The following ALDH18A1 variants were observed in gnomAD, a reference collection of about 807,000 sequenced individuals.
The protein encoded by ALDH18A1 is aldehyde dehydrogenase 18 family member A1.
In ALDH18A1, 44 loss-of-function variants were observed where a neutral mutation model predicts 88.8. The ratio of observed to expected loss-of-function variants is 0.50; its 90% CI spans 0.39 to 0.64. The LOEUF (loss-of-function observed/expected upper bound fraction) is 0.64, where lower values mean the gene tolerates loss of function less well. Among genes scored for constraint, ALDH18A1 ranks in the 30% least tolerant of loss-of-function variants. The pLI, the probability that ALDH18A1 is intolerant of heterozygous loss-of-function variation, is 0.00. For missense variants in ALDH18A1, 782 were observed against 1,009.5 expected, an observed-to-expected ratio of 0.77 and a Z score of 3.05; for synonymous variants, 331 against 372.1, an observed-to-expected ratio of 0.89 and a Z score of 1.27.
At chr10:95,623,187 G>C (rs1486080568) in intron 11 of ALDH18A1, among the ~76,000 whole-genome samples, 2 of 152,010 alleles carry the variant, frequency 1.3e-5, no homozygotes, top group South Asian at 2.1e-4. Context: ...TTTAATTATA[G>C]TATATGTTAA....
In ALDH18A1 at chr10:95,606,264, G is replaced by T; in HGVS notation, c.*498C>A. On this transcript the variant is annotated 3_prime_UTR_variant, in exon 18 of 18. Transcript: ENST00000371224. The stretch of plus-strand genomic sequence containing the variant: ...TCTTCCCAGTGGAAATGATTCCATC[G>T]ATTTTTGTGACTTTCTGATGAGAAT... 1 of 996,908 alleles carries T rather than the reference G, an allele frequency of 1.0e-6. No individual in the cohort carries two copies. Among genetic ancestry groups the T allele is most frequent in the South Asian group, 4.4e-5 (1 of 22,558 alleles). 61.8% of individuals were successfully genotyped at this position (996,908 alleles called of 1,614,324 possible).
chr10:95,652,460 A>G (rs2097911820), intron 2 of ALDH18A1, among the ~76,000 whole-genome samples: 1 of 152,272 alleles, frequency 6.6e-6, no homozygotes, highest in Non-Finnish European at 1.5e-5. Context: ...GGCCGGGCAC[A>G]GTGGCTAACG....
intron 11 of ALDH18A1, among the ~76,000 whole-genome samples, chr10:95,623,694 T>TC (rs2097856419): frequency 6.6e-6 from 1 of 152,106 alleles, no homozygotes; most frequent in African/African-American, 2.4e-5. Flanking sequence ...GCCTCCTGAG[T>TC]AGCTAGGATT....
chr10:95,616,693 C>G, intron 12 of ALDH18A1, 79 bp from the exon 13 acceptor site: 1 of 1,515,618 alleles, frequency 6.6e-7, no homozygotes, highest in Non-Finnish European at 9.0e-7. Context: ...CACAAGCACT[C>G]CTTCTGTGCT....
intron 2 of ALDH18A1, among the ~76,000 whole-genome samples, chr10:95,647,986 T>C (rs377668630): frequency 9.2e-5 from 14 of 152,324 alleles, no homozygotes; most frequent in Middle Eastern, 3.4e-3. Flanking sequence ...TGTAATAAAT[T>C]GGTAAATCTA....
In ALDH18A1 at chr10:95,628,195, C is replaced by G. The variant is rs12414904; in HGVS notation, c.933+173G>C. Among the ~76,000 whole-genome samples, 20,057 of 152,220 alleles carry G rather than the reference C, an allele frequency of 0.13. 1,935 individuals carry two copies. The highest frequency in any genetic ancestry group is 0.49 in the East Asian group (2,522 of 5,178). Reference sequence around the variant, plus strand: ...AGAAAACCCACATACACAGACATAACCAAATGTTGGAATGCAACACTCATT... The same window carrying G: ...AGAAAACCCACATACACAGACATAAGCAAATGTTGGAATGCAACACTCATT... On this transcript the variant is annotated intron_variant, in intron 8 of 17. Coordinates refer to ENST00000371224, the MANE Select transcript of ALDH18A1 (RefSeq NM_002860.4).
intron 11 of ALDH18A1, among the ~76,000 whole-genome samples, chr10:95,623,187 G>A (rs1486080568): frequency 6.6e-6 from 1 of 151,892 alleles, no homozygotes; most frequent in Non-Finnish European, 1.5e-5. Flanking sequence ...TTTAATTATA[G>A]TATATGTTAA....
At chr10:95,647,567 G>A (rs11188414) in intron 2 of ALDH18A1, among the ~76,000 whole-genome samples, 100,756 of 152,070 alleles carry the variant, frequency 0.66, 33,755 homozygotes, top group East Asian at 0.74. Context: ...AATCTCTCTG[G>A]TATTCTCCTG....
chr10:95,629,934 A>T (rs1279361853), intron 7 of ALDH18A1, among the ~76,000 whole-genome samples: 1 of 148,498 alleles, frequency 6.7e-6, no homozygotes, highest in Non-Finnish European at 1.5e-5. Context: ...AAAACCTTAC[A>T]TTTTTTTTTT....
At chr10:95,613,464 A>G (rs988013307) in intron 15 of ALDH18A1, among the ~76,000 whole-genome samples, 1 of 152,222 alleles carries the variant, frequency 6.6e-6, no homozygotes, top group South Asian at 2.1e-4. Context: ...GAAACAGTTC[A>G]GTCAGCATAG....
chr10:95,607,050 T>A, intron 17 of ALDH18A1, 107 bp from the exon 18 acceptor site: 4 of 1,120,824 alleles, frequency 3.6e-6, no homozygotes, highest in Non-Finnish European at 4.1e-6. Context: ...CCTCTCTTCC[T>A]GCTAACTCCT....
At chr10:95,625,554 G>C in intron 10 of ALDH18A1, 99 bp from the exon 11 acceptor site, 1 of 974,858 alleles carries the variant, frequency 1.0e-6, no homozygotes, top group Non-Finnish European at 1.6e-6. Context: ...GCCAGGCCTT[G>C]CTCCCACATC....
chr10:95,651,498 T>C (rs2097910421), intron 2 of ALDH18A1, among the ~76,000 whole-genome samples: 1 of 152,218 alleles, frequency 6.6e-6, no homozygotes, highest in Non-Finnish European at 1.5e-5. Context: ...GAGGTTTAAC[T>C]GGCTCATAGT....
In ALDH18A1 at chr10:95,643,190, T is replaced by C. The variant is rs2097895233; in HGVS notation, c.105A>G (p.Ser35=). 1 of 1,614,186 alleles carries C rather than the reference T, an allele frequency of 6.2e-7. No individual in the cohort carries two copies. The highest frequency in any genetic ancestry group is 8.5e-7 in the Non-Finnish European group (1 of 1,180,028). The part of the protein sequence containing the change: ...TVFRSHCIQP[S]VIRHVRSWSN... Reference sequence around the variant, plus strand: ...TCCAAGAACGAACATGTCTGATGACTGAAGGCTGGATACAATCTGTAGCCA... The same window carrying C: ...TCCAAGAACGAACATGTCTGATGACCGAAGGCTGGATACAATCTGTAGCCA... The change falls in exon 3 of 18, where the codon TCA becomes TCG. Residue 35 remains serine (S), a synonymous_variant. Transcript: ENST00000371224.
chr10:95,628,460 C>A lies in ALDH18A1; in HGVS notation c.841G>T (p.Ala281Ser), dbSNP rs1410293285. Reference sequence around the variant, plus strand: ...GGATAAAATATATCAATAAGCTTTGCATCATCTGAACCTGGGGGGCTGTCA... The same window carrying A: ...GGATAAAATATATCAATAAGCTTTGAATCATCTGAACCTGGGGGGCTGTCA... ...LFDSPPGSDD[A>S]KLIDIFYPGD... Residue 281 changes from alanine (A) to serine (S), a missense_variant, in exon 8 of 18, where the codon GCA becomes TCA. Ala to Ser is a moderately conservative substitution (Grantham distance 99, BLOSUM62 1). Around this residue, in one of 3 missense-constraint regions of ALDH18A1, gnomAD observed 556 missense variants for 654.5 expected, o/e 0.85. Transcript: ENST00000371224. 1 of 1,613,820 alleles carries A rather than the reference C, an allele frequency of 6.2e-7. No individual in the cohort carries two copies. Among genetic ancestry groups the A allele is most frequent in the African/African-American group, 1.3e-5 (1 of 74,914 alleles).
chr10:95,652,183 T>C (rs1021096797), intron 2 of ALDH18A1, among the ~76,000 whole-genome samples: 9 of 152,318 alleles, frequency 5.9e-5, no homozygotes, highest in African/African-American at 2.2e-4. Context: ...ATTATAAAAA[T>C]GTAGACCAGA....
chr10:95,627,667 T>C (rs767354393), intron 8 of ALDH18A1, 81 bp from the exon 9 acceptor site: 101 of 1,530,842 alleles, frequency 6.6e-5, no homozygotes, highest in Non-Finnish European at 8.8e-5. Context: ...AGATATAAAA[T>C]ACAAGTTGAT....
chr10:95,640,386 G>A (rs2097889221), intron 3 of ALDH18A1, among the ~76,000 whole-genome samples: 1 of 150,216 alleles, frequency 6.7e-6, no homozygotes, highest in African/African-American at 2.5e-5. Context: ...CTCTCGCCCA[G>A]GCTGAAGTGC....
At chr10:95,622,709 T>C (rs965747577) in intron 11 of ALDH18A1, among the ~76,000 whole-genome samples, 2 of 152,080 alleles carry the variant, frequency 1.3e-5, no homozygotes, top group African/African-American at 4.8e-5. Context: ...GGCTAATTTT[T>C]TGTATTTTTA....
Sources: allele counts gnomAD v4.1 joint callset (sites outside exome capture counted in the v4.1 genomes callset), GRCh38; gene constraint gnomAD v4.1.1; regional missense constraint gnomAD v4.1.1; transcripts MANE v1.5; gene names NCBI Gene and HGNC (gene_info 2026-07-23, HGNC 2026-07-21).